The following AGAP1 variants were observed in gnomAD, a reference collection of about 807,000 sequenced individuals.
AGAP1 encodes ArfGAP with GTPase domain, ankyrin repeat and PH domain 1.
Under a neutral mutation model 105.3 loss-of-function variants are expected in AGAP1, and 29 were observed. The observed-to-expected ratio is 0.28, with a 90% confidence interval of 0.21 to 0.38. AGAP1 has a LOEUF of 0.38. AGAP1 is among the 10% of genes least tolerant of loss of function. The probability of loss-of-function intolerance (pLI) is 1.00; values close to 1 mark genes in which losing one functional copy is unlikely to be tolerated. For synonymous variants in AGAP1, 509 were observed against 485.9 expected (o/e 1.05, Z -0.63); for missense variants, 998 against 1,165.1 (o/e 0.86, Z 2.09).
At chr2:235,949,594 C>T (rs1338160016) in intron 12 of AGAP1, among the ~76,000 whole-genome samples, 1 of 152,134 alleles carries the variant, frequency 6.6e-6, no homozygotes, top group African/African-American at 2.4e-5. Flanking sequence ...TTTGGGCATG[C>T]CTAGCGAATT....
At chr2:236,122,873 C>T (rs1203266019) in intron 17 of AGAP1, among the ~76,000 whole-genome samples, 8 of 152,022 alleles carry the variant, frequency 5.3e-5, no homozygotes, top group East Asian at 1.9e-4. Flanking sequence ...TTAGTAGAGA[C>T]GAGGTTTCAC....
In AGAP1 at chr2:235,793,281, G is replaced by A. The variant is rs1414577608; in HGVS notation, c.674-4478G>A. Among the ~76,000 whole-genome samples, 3 of 152,172 alleles carry A rather than the reference G, an allele frequency of 2.0e-5. No homozygotes were observed. Among genetic ancestry groups the A allele is most frequent in the Admixed American group, 1.3e-4 (2 of 15,288 alleles). The stretch of plus-strand genomic sequence containing the variant: ...CTGGGAATGGGGCGTGGCACACGGT[G>A]TAATCCGGGCAGCCTTGGCGAGCAC... On this transcript the variant is annotated intron_variant, in intron 6 of 17. Transcript: ENST00000304032. The surrounding 1 kb of genome is among the most constrained non-coding windows in gnomAD (Gnocchi z 5.3).
At chr2:235,940,288 T>C (rs2053200002) in intron 12 of AGAP1, among the ~76,000 whole-genome samples, 1 of 152,098 alleles carries the variant, frequency 6.6e-6, no homozygotes, top group Admixed American at 6.5e-5. Flanking sequence ...CCTGTCATTC[T>C]TACTTCCCAA....
rs554624173 is a variant in AGAP1, at chr2:235,959,856, C to A, written c.1484-8606C>A. Among the ~76,000 whole-genome samples the A allele has an allele frequency of 6.6e-6, 1 of 152,330 alleles. No homozygotes were observed. The highest frequency in any genetic ancestry group is 6.5e-5 in the Admixed American group (1 of 15,304). On this transcript the variant is annotated intron_variant, in intron 12 of 17. Coordinates refer to ENST00000304032, the MANE Select transcript of AGAP1 (RefSeq NM_001037131.3). This position sits in a 1 kb window ranked among gnomAD's most constrained non-coding sequence, Gnocchi z 7.3. ...CTGCCAAACCTGCTCCCACCCGCCC[C>A]AGCCCAGAGCATGTGGCTTCTCTAA...
intron 1 of AGAP1, among the ~76,000 whole-genome samples, chr2:235,697,042 G>A (rs181782853): frequency 1.3e-5 from 2 of 152,080 alleles, no homozygotes; most frequent in Non-Finnish European, 1.5e-5. Flanking sequence ...CATTAAGTCC[G>A]GTTATTTTAG....
intron 3 of AGAP1, among the ~76,000 whole-genome samples, chr2:235,730,930 T>C (rs1292967539): frequency 6.6e-6 from 1 of 152,146 alleles, no homozygotes; most frequent in East Asian, 1.9e-4. Context: ...AACCGTTTTC[T>C]CCGAGAGGTG....
At position 235,931,434 on chromosome 2, in the gene AGAP1, CATT is replaced by C. The variant is rs373457404; in HGVS notation, c.1483+530_1483+532del. Among the ~76,000 whole-genome samples, 81 of 151,468 alleles carry C rather than the reference CATT, an allele frequency of 5.3e-4. No individual in the cohort carries two copies. The South Asian group carries it at 0.014, about 25-fold the overall frequency. ...TCCTTCAGTTTTCAAATTCCTTTGG[CATT>C]ATTATTATTATTATTATTTTGACAA... is the stretch of plus-strand genomic sequence containing the variant. On this transcript the variant is annotated intron_variant, in intron 12 of 17. Coordinates refer to ENST00000304032, the MANE Select transcript of AGAP1 (RefSeq NM_001037131.3). The surrounding 1 kb of genome is among the most constrained non-coding windows in gnomAD (Gnocchi z 5.6).
intron 16 of AGAP1, among the ~76,000 whole-genome samples, chr2:236,100,575 A>T (rs1348419497): frequency 6.6e-6 from 1 of 152,182 alleles, no homozygotes; most frequent in Non-Finnish European, 1.5e-5. Context: ...CTGCAATCCC[A>T]GCACTTTGGG....
chr2:235,608,647 G>A lies in AGAP1; in HGVS notation c.164-100532G>A, dbSNP rs972954811. On this transcript the variant is annotated intron_variant, in intron 1 of 17. Coordinates refer to ENST00000304032, the MANE Select transcript of AGAP1 (RefSeq NM_001037131.3). The surrounding 1 kb of genome is among the most constrained non-coding windows in gnomAD (Gnocchi z 5.4). ...AGGGTCCCAGGCCCAGAAAACAGTG[G>A]AGCCAAGAGAGGAACGAGGTCTCTG... is the stretch of plus-strand genomic sequence containing the variant. Among the ~76,000 whole-genome samples the A allele has an allele frequency of 1.3e-5, 2 of 152,184 alleles. No individual in the cohort carries two copies. The highest frequency in any genetic ancestry group is 4.8e-5 in the African/African-American group (2 of 41,440).
In AGAP1 at chr2:235,900,071, C is replaced by A. The variant is rs973194489; in HGVS notation, c.1156-8667C>A. ...TCCGCAGCACATGAAGCAGAGAAGT[C>A]TGCTTTTGCCATCATGTAGGGACTC... On this transcript the variant is annotated intron_variant, in intron 10 of 17. Transcript: ENST00000304032. This position sits in a 1 kb window ranked among gnomAD's most constrained non-coding sequence, Gnocchi z 5.5. Among the ~76,000 whole-genome samples the A allele has an allele frequency of 6.6e-6, 1 of 152,236 alleles. No individual in the cohort carries two copies. The highest frequency in any genetic ancestry group is 1.5e-5 in the Non-Finnish European group (1 of 68,048).
chr2:235,526,156 TTTATAAA>T lies in AGAP1; in HGVS notation c.163+31308_163+31314del, dbSNP rs1191187834. 1.6e-4 allele frequency among the ~76,000 whole-genome samples: 21 copies of T among 131,992 alleles called. 3 individuals are homozygous for T. Among genetic ancestry groups the T allele is most frequent in the African/African-American group, 3.3e-4 (11 of 33,424 alleles). The allele number at this position is 131,992 out of a possible 152,430, so 86.6% of individuals were successfully genotyped here. ...ACTGATTTATAAAGTAGAGGACTGA[TTTATAAA>T]GTAGAGGACTGACACATAATGTGGA... On this transcript the variant is annotated intron_variant, in intron 1 of 17. Transcript: ENST00000304032.
chr2:235,946,433 G>T (rs2053505691), intron 12 of AGAP1, among the ~76,000 whole-genome samples: 1 of 152,006 alleles, frequency 6.6e-6, no homozygotes, highest in African/African-American at 2.4e-5. Context: ...GCCTCCCAAA[G>T]AGCTGGGGAT....
At chr2:235,859,541 G>GTTTTTT (rs34414886) in intron 9 of AGAP1, among the ~76,000 whole-genome samples, 1 of 144,664 alleles carries the variant, frequency 6.9e-6, no homozygotes, top group African/African-American at 2.5e-5. Context: ...TTTCTGAGCA[G>GTTTTTT]TTTTTTTTTT....
chr2:235,571,958 G>A (rs1369243335), intron 1 of AGAP1, among the ~76,000 whole-genome samples: 3 of 107,352 alleles, frequency 2.8e-5, no homozygotes, highest in African/African-American at 4.0e-5. Flanking sequence ...GTGTGTGTGT[G>A]TATACATATA....
At position 235,992,302 on chromosome 2, in the gene AGAP1, G is replaced by A. The variant is rs922568921; in HGVS notation, c.1645+23679G>A. ...CACCTCTTCCTGGCGGGTGGCCTGG[G>A]CGAGTGCCTCACGCTCCCGTCAGTG... On this transcript the variant is annotated intron_variant, in intron 13 of 17. Coordinates refer to ENST00000304032, the MANE Select transcript of AGAP1 (RefSeq NM_001037131.3). The surrounding 1 kb of genome is among the most constrained non-coding windows in gnomAD (Gnocchi z 4.8). 7.2e-5 allele frequency among the ~76,000 whole-genome samples: 11 copies of A among 152,234 alleles called. No homozygotes were observed. The highest frequency in any genetic ancestry group is 3.3e-4 in the Admixed American group (5 of 15,278).
Position 235,965,579 on chromosome 2 carries a change from A to ACCTT in AGAP1, c.1484-2880_1484-2877dup, listed in dbSNP as rs1377852336. Among the ~76,000 whole-genome samples, 3 of 152,060 alleles carry ACCTT rather than the reference A, an allele frequency of 2.0e-5. No individual in the cohort carries two copies. The highest frequency in any genetic ancestry group is 4.4e-5 in the Non-Finnish European group (3 of 68,008). On this transcript the variant is annotated intron_variant, in intron 12 of 17. Transcript: ENST00000304032. The surrounding 1 kb of genome is among the most constrained non-coding windows in gnomAD (Gnocchi z 5.8). ...CTCTGTGACTTCAGCAAGTTACTTA[A>ACCTT]CCTTCCCCTGTGCCTTGGTTTTCTA...
intron 1 of AGAP1, among the ~76,000 whole-genome samples, chr2:235,644,896 C>CTT (rs74548435): frequency 2.8e-5 from 4 of 143,876 alleles, no homozygotes; most frequent in Non-Finnish European, 4.6e-5. Context: ...AGGTGTAAGA[C>CTT]TTTTTTTTTT....
At chr2:236,059,161 T>TAA (rs3030746) in intron 16 of AGAP1, among the ~76,000 whole-genome samples, 1,733 of 143,934 alleles carry the variant, frequency 0.012, 39 homozygotes, top group African/African-American at 0.041. Flanking sequence ...ACCGTATCTT[T>TAA]AAAAAAAAAA....
Position 235,739,300 on chromosome 2 carries a change from T to C in AGAP1, c.311-1663T>C, listed in dbSNP as rs991535669. 1.3e-5 allele frequency among the ~76,000 whole-genome samples: 2 copies of C among 152,236 alleles called. No individual in the cohort carries two copies. The highest frequency in any genetic ancestry group is 4.8e-5 in the African/African-American group (2 of 41,460). On this transcript the variant is annotated intron_variant, in intron 3 of 17. Coordinates refer to ENST00000304032, the MANE Select transcript of AGAP1 (RefSeq NM_001037131.3). The surrounding 1 kb of genome is among the most constrained non-coding windows in gnomAD (Gnocchi z 5.3). ...GGGACGTCCACCTGTGTCAGATGTT[T>C]CCCAGCTTGTTTCATGATGACAACA...
Sources: allele counts gnomAD v4.1 joint callset (sites outside exome capture counted in the v4.1 genomes callset), GRCh38; gene constraint gnomAD v4.1.1; non-coding constraint Gnocchi (gnomAD v3.1); transcripts MANE v1.5; gene names NCBI Gene and HGNC (gene_info 2026-07-23, HGNC 2026-07-21).